Variants in LIG1 observed in about 807,000 individuals in gnomAD.
The protein encoded by LIG1 is ligase I, DNA, ATP-dependent.
In LIG1, 70 loss-of-function variants were observed where a neutral mutation model predicts 115.7. The observed-to-expected ratio is 0.60, with a 90% confidence interval of 0.50 to 0.74. LIG1 has a LOEUF of 0.74. Ranked by LOEUF, LIG1 falls within the 30% of genes least tolerant of loss-of-function variation. LIG1 has a pLI of 0.00. For synonymous variants in LIG1, 487 were observed against 495.3 expected (o/e 0.98, Z 0.22); for missense variants, 1,115 against 1,225.6 (o/e 0.91, Z 1.35).
At chr19:48,140,542 C>T (rs1246257517) in intron 11 of LIG1, among the ~76,000 whole-genome samples, 1 of 152,182 alleles carries the variant, frequency 6.6e-6, no homozygotes, top group Non-Finnish European at 1.5e-5. Flanking sequence ...TAAGGACCTG[C>T]CTTCGCAAGA....
chr19:48,136,916 G>T, intron 14 of LIG1, 92 bp downstream of exon 14: 1 of 1,015,988 alleles, frequency 9.8e-7, no homozygotes. Flanking sequence ...GATGGTCAGG[G>T]CATTTGTGAT....
At chr19:48,162,241 T>C (rs2036221699) in intron 3 of LIG1, 21 bp downstream of exon 3, 2 of 1,595,482 alleles carry the variant, frequency 1.3e-6, no homozygotes, top group South Asian at 1.1e-5. Context: ...AAATTCACCA[T>C]ATCCCAGCCC....
intron 6 of LIG1, among the ~76,000 whole-genome samples, chr19:48,153,288 G>C (rs1431393762): frequency 6.6e-6 from 1 of 151,038 alleles, no homozygotes; most frequent in East Asian, 1.9e-4. Context: ...TAATAGAACT[G>C]ATAAGGTATT....
intron 11 of LIG1, among the ~76,000 whole-genome samples, chr19:48,143,300 T>G (rs1373715356): frequency 6.6e-6 from 1 of 152,224 alleles, no homozygotes; most frequent in Non-Finnish European, 1.5e-5. Flanking sequence ...ATGGAGCCTG[T>G]CTCCTTACCC....
intron 11 of LIG1, among the ~76,000 whole-genome samples, chr19:48,141,925 A>G (rs2034783153): frequency 6.6e-6 from 1 of 152,208 alleles, no homozygotes; most frequent in African/African-American, 2.4e-5. Flanking sequence ...TTTGGAAAGA[A>G]GGTCTTTGCG....
Position 48,157,197 on chromosome 19 carries a change from C to T in LIG1, c.244-57G>A, listed in dbSNP as rs567351163. On this transcript the variant is annotated intron_variant, in intron 4 of 27. Transcript: ENST00000263274. ...CGGGGGAAGGAGGGACTCCATTTTC[C>T]AAAAGTTGAGAGTAGAGGGGACTGA... The T allele has an allele frequency of 8.4e-6, 13 of 1,555,854 alleles. No homozygotes were observed. The African/African-American group carries it at 1.4e-4, about 16-fold the overall frequency.
At chr19:48,120,561 A>C in intron 24 of LIG1, 1 of 985,108 alleles carries the variant, frequency 1.0e-6, no homozygotes, top group Non-Finnish European at 1.2e-6. Context: ...CTTTAAGAAA[A>C]ACTTTAACTT....
Position 48,140,095 on chromosome 19 carries a change from G to A in LIG1, c.963C>T (p.Ala321=), listed in dbSNP as rs761600607. The A allele has an allele frequency of 1.2e-6, 2 of 1,613,868 alleles. No homozygotes were observed. The highest frequency in any genetic ancestry group is 2.2e-5 in the East Asian group (1 of 44,890). ...CAGGGAGGAGGTCTGGAGGCGACAGGGCCACCACGGAGCGCAGCAAGTTGC... is the reference window on the plus strand; with the variant it reads ...CAGGGAGGAGGTCTGGAGGCGACAGAGCCACCACGGAGCGCAGCAAGTTGC... ...TLSNLLRSVV[A]LSPPDLLPVL... Residue 321 remains alanine, a synonymous_variant, in exon 12 of 28, where the codon GCC becomes GCT. Coordinates refer to ENST00000263274, the MANE Select transcript of LIG1 (RefSeq NM_000234.3).
intron 9 of LIG1, among the ~76,000 whole-genome samples, chr19:48,148,108 G>A (rs1257380746): frequency 1.3e-5 from 2 of 151,884 alleles, no homozygotes; most frequent in African/African-American, 4.8e-5. Flanking sequence ...AATAGGAGTT[G>A]GGGCCTGAGG....
chr19:48,129,419 A>G (rs2033875183), intron 19 of LIG1, among the ~76,000 whole-genome samples: 1 of 152,082 alleles, frequency 6.6e-6, no homozygotes. Flanking sequence ...CATATAATTT[A>G]CAGAGCCAGC....
In LIG1 at chr19:48,165,460, T is replaced by C. The variant is rs375483841; in HGVS notation, c.17+90A>G. The C allele has an allele frequency of 7.4e-4, 800 of 1,077,042 alleles. 2 individuals carry two copies. The highest frequency in any genetic ancestry group is 1.1e-3 in the Non-Finnish European group (731 of 690,266). 66.7% of individuals were successfully genotyped at this position (1,077,042 alleles called of 1,614,324 possible). A position where few individuals can be genotyped will look rare whatever the true frequency, so the allele number is the denominator to read the frequency against. On this transcript the variant is annotated intron_variant, in intron 2 of 27. Transcript: ENST00000263274. ...TCAAAATCTAACGTAAGAGTTTTTG[T>C]TTGTTTGTTTGTTTTTTTAAGTACA...
intron 24 of LIG1, among the ~76,000 whole-genome samples, 189 bp from the exon 25 acceptor site, chr19:48,119,379 C>G (rs886531289): frequency 6.6e-6 from 1 of 152,114 alleles, no homozygotes; most frequent in African/African-American, 2.4e-5. Flanking sequence ...TGGGAATGTT[C>G]TCCCAGCAGG....
rs531216429 is a variant in LIG1 at position 48,145,208 on chromosome 19, A to G, written c.777-1245T>C. Among the ~76,000 whole-genome samples the G allele has an allele frequency of 2.6e-5, 4 of 152,180 alleles. No homozygotes were observed. In the South Asian group the frequency reaches 6.2e-4, roughly 24 times the overall value. Reference sequence around the variant, plus strand: ...GCCACTGCGCCCGGCCTCAACCTTTATATCGTAAGTAGCTCACACTGACCC... The same window carrying G: ...GCCACTGCGCCCGGCCTCAACCTTTGTATCGTAAGTAGCTCACACTGACCC... On this transcript the variant is annotated intron_variant, in intron 9 of 27. Transcript: ENST00000263274.
chr19:48,120,642 T>G (rs2033196675), intron 24 of LIG1: 2 of 792,740 alleles, frequency 2.5e-6, no homozygotes, highest in African/African-American at 3.8e-5. Context: ...AGCAAAGTGA[T>G]GAGCAACAGA....
chr19:48,117,748 G>A lies in LIG1; in HGVS notation c.2473C>T (p.Arg825Trp), dbSNP rs759531392. ...TCGGGAATCACAGCGCCATCTATCC[G>A]CACGTAAGGGCGTGGGCTGGGCAGC... is the stretch of plus-strand genomic sequence containing the variant. ...LVLPSPRPYV[R>W]IDGAVIPDHW... Residue 825 changes from arginine (R) to tryptophan (W), a missense_variant, in exon 26 of 28, where the codon CGG becomes TGG. Coordinates refer to ENST00000263274, the MANE Select transcript of LIG1 (RefSeq NM_000234.3). 13 of 1,612,976 alleles carry A rather than the reference G, an allele frequency of 8.1e-6. No homozygotes were observed. The East Asian group carries it at 1.3e-4, about 17-fold the overall frequency.
chr19:48,127,339 C>T lies in LIG1; in HGVS notation c.1942G>A (p.Ala648Thr). The stretch of plus-strand genomic sequence containing the variant: ...CACACCTGCACCTGGATCTCAGACG[C>T]ATCCACCTCCTGGGTTGGGGCACAA... ...LTTRKRKEVDASEIQVQVCLY... is the reference protein window; with the variant it reads ...LTTRKRKEVDTSEIQVQVCLY... Residue 648 changes from alanine to threonine, a missense_variant, in exon 21 of 28, where the codon GCG becomes ACG. Coordinates refer to ENST00000263274, the MANE Select transcript of LIG1 (RefSeq NM_000234.3). 1 of 1,613,328 alleles carries T rather than the reference C, an allele frequency of 6.2e-7. No homozygotes were observed. Among genetic ancestry groups the T allele is most frequent in the Non-Finnish European group, 8.5e-7 (1 of 1,180,004 alleles).
Position 48,155,556 on chromosome 19 carries a change from G to A in LIG1, c.370+1458C>T, listed in dbSNP as rs765251256. Among the ~76,000 whole-genome samples the A allele has an allele frequency of 3.8e-4, 58 of 152,192 alleles. 1 individual carries two copies. Among genetic ancestry groups the A allele is most frequent in the Non-Finnish European group, 6.3e-4 (43 of 68,022 alleles). Reference sequence around the variant, plus strand: ...CTTCTGAGCTCCCAGAGTACCCTGCGTCACCCAGCATCGTCCGATGGAAAG... The same window carrying A: ...CTTCTGAGCTCCCAGAGTACCCTGCATCACCCAGCATCGTCCGATGGAAAG... On this transcript the variant is annotated intron_variant, in intron 5 of 27. Transcript: ENST00000263274.
intron 24 of LIG1, 199 bp downstream of exon 24, chr19:48,120,971 T>C (rs1599737953): frequency 6.8e-7 from 1 of 1,460,236 alleles, no homozygotes; most frequent in Non-Finnish European, 9.0e-7. Flanking sequence ...ATTCCTGACA[T>C]CTTTCTATCC....
At chr19:48,169,915 C>CA (rs1275386930) in intron 1 of LIG1, 1 of 144,524 alleles carries the variant, frequency 6.9e-6, no homozygotes, top group South Asian at 1.5e-4. Flanking sequence ...CAGTTTTCCC[C>CA]CCCCCGGCCC....
Sources: gnomAD v4.1 joint callset for allele counts (sites outside exome capture counted in the v4.1 genomes callset) on GRCh38, gnomAD v4.1.1 for gene constraint, MANE v1.5 for transcripts, NCBI Gene and HGNC (gene_info 2026-07-23, HGNC 2026-07-21) for gene names.